CACNG2: variants seen among roughly 807,000 people sequenced by gnomAD.
The protein encoded by CACNG2 is calcium voltage-gated channel auxiliary subunit gamma 2.
Under a neutral mutation model 25.9 loss-of-function variants are expected in CACNG2, and 3 were observed. The observed-to-expected ratio is 0.12, with a 90% CI of 0.05 to 0.30. The LOEUF (loss-of-function observed/expected upper bound fraction) is 0.30, where lower values mean the gene tolerates loss of function less well. Among genes scored for constraint, CACNG2 ranks in the 10% least tolerant of loss-of-function variants. The pLI is 1.00. For missense variants in CACNG2, 341 were observed against 432.5 expected (o/e 0.79, Z 1.88); for synonymous variants, 167 against 173.3 (o/e 0.96, Z 0.29).
At chr22:36,651,297 C>T (rs370021553) in intron 1 of CACNG2, among the ~76,000 whole-genome samples, 10 of 129,860 alleles carry the variant, frequency 7.7e-5, no homozygotes, top group African/African-American at 1.2e-4. Context: ...GATGCAATCT[C>T]GGCTCACTGC....
Position 36,607,528 on chromosome 22 carries a change from G to A in CACNG2, c.212-19980C>T, listed in dbSNP as rs575945176. On this transcript the variant is annotated intron_variant, in intron 1 of 3. Coordinates refer to ENST00000300105, the MANE Select transcript of CACNG2 (RefSeq NM_006078.5). ...CGAAGTGCTGGGATTACAGATGTGA[G>A]CCACTGCACCTGGTCCCCTTGGTCC... Among the ~76,000 whole-genome samples, 3 of 152,314 alleles carry A rather than the reference G, an allele frequency of 2.0e-5. No homozygotes were observed. In the South Asian group the frequency reaches 6.2e-4, roughly 32 times the overall value.
intron 1 of CACNG2, among the ~76,000 whole-genome samples, chr22:36,684,301 A>G (rs1937167257): frequency 6.6e-6 from 1 of 152,194 alleles, no homozygotes; most frequent in African/African-American, 2.4e-5. Flanking sequence ...GGCTCGATTT[A>G]AACAGGGGAT....
chr22:36,657,200 T>G (rs1036950912), intron 1 of CACNG2, among the ~76,000 whole-genome samples: 2 of 152,210 alleles, frequency 1.3e-5, no homozygotes, highest in Non-Finnish European at 1.5e-5. Flanking sequence ...ATCTTAATGG[T>G]TGATAATTAA....
intron 1 of CACNG2, among the ~76,000 whole-genome samples, chr22:36,635,688 A>T (rs1333766455): frequency 6.6e-6 from 1 of 151,654 alleles, no homozygotes; most frequent in Admixed American, 6.6e-5. Flanking sequence ...CGTATCTCCA[A>T]CTCCCTACAT....
At chr22:36,652,559 A>G (rs1936635808) in intron 1 of CACNG2, among the ~76,000 whole-genome samples, 1 of 152,068 alleles carries the variant, frequency 6.6e-6, no homozygotes, top group Non-Finnish European at 1.5e-5. Context: ...ATCTCCCATG[A>G]TCCACTGTAA....
intron 1 of CACNG2, among the ~76,000 whole-genome samples, chr22:36,604,973 C>T (rs898319125): frequency 3.9e-4 from 60 of 152,220 alleles, no homozygotes; most frequent in African/African-American, 1.3e-3. Flanking sequence ...GGGGGTCTCA[C>T]TATGTTGTCC....
intron 1 of CACNG2, among the ~76,000 whole-genome samples, chr22:36,699,342 C>T (rs1937382204): frequency 6.6e-6 from 1 of 152,132 alleles, no homozygotes; most frequent in East Asian, 1.9e-4. Flanking sequence ...TTCTCCCTCT[C>T]CCCCTGTGCC....
At chr22:36,679,323 T>C (rs539296520) in intron 1 of CACNG2, among the ~76,000 whole-genome samples, 2 of 152,108 alleles carry the variant, frequency 1.3e-5, no homozygotes, top group African/African-American at 4.8e-5. Flanking sequence ...AAGTCCTTTA[T>C]AAGAAAACAT....
intron 1 of CACNG2, among the ~76,000 whole-genome samples, chr22:36,596,120 G>T (rs1935674559): frequency 6.6e-6 from 1 of 152,260 alleles, no homozygotes; most frequent in African/African-American, 2.4e-5. Context: ...CAGCTCTGGA[G>T]CCAGGAGGGG....
In CACNG2 at chr22:36,703,191, C is replaced by G. The variant is rs1021754854; in HGVS notation, c.-615G>C. 1 of 156,538 alleles carries G rather than the reference C, an allele frequency of 6.4e-6. No individual in the cohort carries two copies. 9.7% of individuals were successfully genotyped at this position (156,538 alleles called of 1,614,324 possible). A position where few individuals can be genotyped will look rare whatever the true frequency, so the allele number is the denominator to read the frequency against. ...CCAGTATTCTGTAAGCCCTTGAGCT[C>G]AGCTGCACAGGTGCGGGGGTCTCGC... On this transcript the variant is annotated 5_prime_UTR_variant, in exon 1 of 4. Transcript: ENST00000300105.
intron 1 of CACNG2, among the ~76,000 whole-genome samples, chr22:36,626,604 C>T (rs548899700): frequency 7.6e-4 from 116 of 152,262 alleles, no homozygotes; most frequent in Non-Finnish European, 1.0e-3. Flanking sequence ...TGTGGATTTC[C>T]CTGCAAAGGC....
intron 1 of CACNG2, among the ~76,000 whole-genome samples, chr22:36,597,757 G>T (rs1935698825): frequency 6.6e-6 from 1 of 152,202 alleles, no homozygotes; most frequent in African/African-American, 2.4e-5. Flanking sequence ...GCCAGGTTCA[G>T]ATTCGGTGAC....
intron 1 of CACNG2, among the ~76,000 whole-genome samples, chr22:36,625,198 G>A (rs921800953): frequency 1.3e-5 from 2 of 152,056 alleles, no homozygotes; most frequent in Middle Eastern, 3.2e-3. Flanking sequence ...AATTAAAATA[G>A]TTTCTGTATA....
At chr22:36,664,292 A>G (rs1936842694) in intron 1 of CACNG2, among the ~76,000 whole-genome samples, 1 of 152,188 alleles carries the variant, frequency 6.6e-6, no homozygotes, top group Admixed American at 6.5e-5. Flanking sequence ...ACATTCTTCC[A>G]TTCATCTCTC....
At chr22:36,643,655 A>G (rs912552928) in intron 1 of CACNG2, among the ~76,000 whole-genome samples, 1 of 152,190 alleles carries the variant, frequency 6.6e-6, no homozygotes, top group African/African-American at 2.4e-5. Flanking sequence ...AGGTCTTAGC[A>G]TCTCACAGTG....
chr22:36,629,496 G>A (rs1936235117), intron 1 of CACNG2, among the ~76,000 whole-genome samples: 1 of 151,930 alleles, frequency 6.6e-6, no homozygotes, highest in Non-Finnish European at 1.5e-5. Flanking sequence ...AACTAACTGT[G>A]TGTGTGTGTT....
intron 1 of CACNG2, among the ~76,000 whole-genome samples, chr22:36,609,678 C>G (rs2145939769): frequency 1.0e-5 from 1 of 99,916 alleles, no homozygotes; most frequent in Non-Finnish European, 1.9e-5. Context: ...CGTGATCGGG[C>G]AGGAATCAAC....
chr22:36,653,140 G>A (rs1936644745), intron 1 of CACNG2, among the ~76,000 whole-genome samples: 1 of 152,164 alleles, frequency 6.6e-6, no homozygotes, highest in South Asian at 2.1e-4. Context: ...TGACCAACAT[G>A]GAGAAACCTC....
chr22:36,644,139 A>G (rs1446704367), intron 1 of CACNG2, among the ~76,000 whole-genome samples: 1 of 152,204 alleles, frequency 6.6e-6, no homozygotes, highest in African/African-American at 2.4e-5. Context: ...AGGACTAAAT[A>G]TTAAGTATAA....
Sources: gnomAD v4.1 joint callset for allele counts (sites outside exome capture counted in the v4.1 genomes callset) on GRCh38, gnomAD v4.1.1 for gene constraint, MANE v1.5 for transcripts, NCBI Gene and HGNC (gene_info 2026-07-23, HGNC 2026-07-21) for gene names.